Variants in NT5DC4 observed in about 807,000 individuals in gnomAD.
NT5DC4 encodes the protein 5'-nucleotidase domain-containing protein 4.
A neutral mutation model predicts 26.6 loss-of-function variants in NT5DC4; 44 were observed. The observed-to-expected ratio is 1.65, with a 90% confidence interval of 1.30 to 2.13. The LOEUF (loss-of-function observed/expected upper bound fraction) is 2.13. Ranked by LOEUF, NT5DC4 falls within the 30% of genes most tolerant of loss-of-function variation. NT5DC4 has a pLI of 0.00. For missense variants in NT5DC4, 399 were observed against 228.1 expected (o/e 1.75, Z -4.83); for synonymous variants, 157 against 86.7 (o/e 1.81, Z -4.51).
At chr2:112,734,769 A>C (rs57802598) in intron 16 of NT5DC4, among the ~76,000 whole-genome samples, 4,991 of 152,214 alleles carry the variant, frequency 0.033, 276 homozygotes, top group African/African-American at 0.11. Context: ...AGTTCACTGC[A>C]CCCTTTGTTT....
At position 112,737,678 on chromosome 2, in the gene NT5DC4, T is replaced by TAG. The variant is rs1285468667; in HGVS notation, c.1345-1233_1345-1232dup. On this transcript the variant is annotated intron_variant, in intron 16 of 16. Coordinates refer to ENST00000688554, the MANE Select transcript of NT5DC4 (RefSeq NM_001393655.1). ...TTATTATAAATCTGACTTTCAGAAA[T>TAG]AGATCTGCTTCCCTTAAAAAAATCT... 2.6e-5 allele frequency: 4 copies of TAG among 152,306 alleles called. No individual in the cohort carries two copies. In the East Asian group the frequency reaches 7.7e-4, roughly 29 times the overall value. The allele number at this position is 152,306 out of a possible 1,614,324, so 9.4% of individuals were successfully genotyped here.
rs1454304525 is a variant in NT5DC4, at chr2:112,722,180, C to T, written c.267-3C>T. 10 of 716,756 alleles carry T rather than the reference C, an allele frequency of 1.4e-5. No homozygotes were observed. The highest frequency in any genetic ancestry group is 3.5e-5 in the African/African-American group (2 of 57,208). 44.4% of individuals were successfully genotyped at this position (716,756 alleles called of 1,614,324 possible). The stretch of plus-strand genomic sequence containing the variant: ...ACAGTGCCCCCCGACCCCCCGTCTG[C>T]AGGCGGCTGGTGTTCGATGAACTCT... On this transcript the variant is annotated splice_polypyrimidine_tract_variant and splice_region_variant and intron_variant, in intron 3 of 16. Coordinates refer to ENST00000688554, the MANE Select transcript of NT5DC4 (RefSeq NM_001393655.1).
At chr2:112,742,502 C>T, downstream of NT5DC4, 1 of 718,666 alleles carries the variant, frequency 1.4e-6, no homozygotes, top group South Asian at 1.5e-5. Flanking sequence ...TGGAAACAAC[C>T]TTTGTTCAGT....
In NT5DC4 at chr2:112,737,495, A is replaced by G. The variant is rs997896000; in HGVS notation, c.1345-1418A>G. Reference sequence around the variant, plus strand: ...TTAATGATGCTGAACACCTTTTCATATCTATACCTACTGGCCATTTCTTAT... The same window carrying G: ...TTAATGATGCTGAACACCTTTTCATGTCTATACCTACTGGCCATTTCTTAT... On this transcript the variant is annotated intron_variant, in intron 16 of 16. Transcript: ENST00000688554. The G allele has an allele frequency of 2.6e-5, 4 of 152,270 alleles. No individual in the cohort carries two copies. In the East Asian group the frequency reaches 7.7e-4, roughly 29 times the overall value. 9.4% of individuals were successfully genotyped at this position (152,270 alleles called of 1,614,324 possible). A position where few individuals can be genotyped will look rare whatever the true frequency, so the allele number is the denominator to read the frequency against.
upstream of NT5DC4, among the ~76,000 whole-genome samples, chr2:112,718,894 G>C (rs995128012): frequency 6.6e-6 from 1 of 152,148 alleles, no homozygotes. Flanking sequence ...CCATCCAACT[G>C]TCTGTCCATT....
rs1404176704 is a variant in NT5DC4, at chr2:112,721,131, C to T, written c.52C>T (p.Pro18Ser). Among the ~76,000 whole-genome samples, 3 of 152,128 alleles carry T rather than the reference C, an allele frequency of 2.0e-5. No homozygotes were observed. The highest frequency in any genetic ancestry group is 2.9e-5 in the Non-Finnish European group (2 of 68,020). Residue 18 changes from proline (P) to serine (S), a missense_variant, in exon 1 of 17, where the codon CCG becomes TCG. Pro to Ser is a moderately conservative substitution (Grantham distance 74). Coordinates refer to ENST00000688554, the MANE Select transcript of NT5DC4 (RefSeq NM_001393655.1). ...GGAGGGACTGGTCTCCCCTCAAGGC[C>T]CGAAGCAGGACTGGCACCAGCGGTG... ...EPEGLVSPQG[P>S]KQDWHQRIFV...
At chr2:112,742,310 G>A, downstream of NT5DC4, 1 of 705,200 alleles carries the variant, frequency 1.4e-6, no homozygotes, top group Admixed American at 2.0e-5. Flanking sequence ...AGAGATTCCT[G>A]AGATAGCTAT....
At chr2:112,722,678 C>T (rs777484203) in intron 5 of NT5DC4, 36 bp from the exon 6 acceptor site, 18 of 717,434 alleles carry the variant, frequency 2.5e-5, no homozygotes, top group South Asian at 2.1e-4. Flanking sequence ...TGTCTGGCTC[C>T]CTGGGCTGAC....
upstream of NT5DC4, among the ~76,000 whole-genome samples, chr2:112,719,988 T>C (rs1676738780): frequency 2.5e-5 from 3 of 121,178 alleles, no homozygotes; most frequent in South Asian, 5.3e-4. Context: ...CTTTCTTTCT[T>C]TTTCTTTTCT....
At chr2:112,738,844 C>T in intron 16 of NT5DC4, 69 bp from the exon 17 acceptor site, 4 of 1,610,624 alleles carry the variant, frequency 2.5e-6, no homozygotes, top group Non-Finnish European at 3.4e-6. Flanking sequence ...GGGTTTGAAA[C>T]CCCAATGTTA....
At chr2:112,726,155 G>A in intron 13 of NT5DC4, 83 bp from the exon 14 acceptor site, 1 of 712,324 alleles carries the variant, frequency 1.4e-6, no homozygotes, top group Non-Finnish European at 2.6e-6. Flanking sequence ...GTCCTCCGCT[G>A]GGCCAGGGCA....
chr2:112,736,417 G>A (rs1456348474), intron 16 of NT5DC4, among the ~76,000 whole-genome samples: 1 of 152,058 alleles, frequency 6.6e-6, no homozygotes. Flanking sequence ...GATACATATA[G>A]ATAATAAAAT....
downstream of NT5DC4, chr2:112,741,142 T>C: frequency 1.5e-6 from 1 of 662,406 alleles, no homozygotes; most frequent in South Asian, 1.9e-5. Flanking sequence ...GAATAGTGAT[T>C]GATTTGAAGT....
chr2:112,741,940 GTTTTTTTTTTTTTT>G (rs57634251), downstream of NT5DC4, among the ~76,000 whole-genome samples: 4 of 71,902 alleles, frequency 5.6e-5, no homozygotes, highest in South Asian at 5.7e-4. Flanking sequence ...TTTCTTTTCT[GTTTTTTTTTTTTTT>G]TTTTTTTTTT....
chr2:112,739,081 T>C lies in NT5DC4; in HGVS notation c.*145T>C, dbSNP rs374466459. On this transcript the variant is annotated 3_prime_UTR_variant, in exon 17 of 17. Transcript: ENST00000688554. Reference sequence around the variant, plus strand: ...ACAGCAAGAGATGCATTAAAAACCTTATCATTTAAAAAAATTATCTTTATT... The same window carrying C: ...ACAGCAAGAGATGCATTAAAAACCTCATCATTTAAAAAAATTATCTTTATT... 6.7e-7 allele frequency: 1 copy of C among 1,483,900 alleles called. No individual in the cohort carries two copies. The highest frequency in any genetic ancestry group is 1.4e-5 in the African/African-American group (1 of 71,264). The allele number at this position is 1,483,900 out of a possible 1,614,324, so 91.9% of individuals were successfully genotyped here.
chr2:112,724,345 A>T (rs1677390569), intron 10 of NT5DC4: 2 of 604,580 alleles, frequency 3.3e-6, no homozygotes, highest in African/African-American at 3.7e-5. Flanking sequence ...GGGTGATAGG[A>T]GGCAGTCAGG....
upstream of NT5DC4, among the ~76,000 whole-genome samples, chr2:112,719,897 T>C (rs868574387): frequency 1.4e-4 from 14 of 102,706 alleles, no homozygotes; most frequent in African/African-American, 4.4e-4. Context: ...TTCCTTTCTT[T>C]CTTTCTTTTT....
chr2:112,722,155 A>T (rs1676958207), intron 3 of NT5DC4, 28 bp from the exon 4 acceptor site: 1 of 623,934 alleles, frequency 1.6e-6, no homozygotes, highest in Non-Finnish European at 2.9e-6. Flanking sequence ...ACCCCCACCC[A>T]CAGTGCCCCC....
At chr2:112,741,940 GTTTTTTTTTTTT>G (rs57634251), downstream of NT5DC4, among the ~76,000 whole-genome samples, 53 of 71,910 alleles carry the variant, frequency 7.4e-4, no homozygotes, top group South Asian at 1.7e-3. Flanking sequence ...TTTCTTTTCT[GTTTTTTTTTTTT>G]TTTTTTTTTT....
Sources: gnomAD v4.1 joint callset for allele counts (sites outside exome capture counted in the v4.1 genomes callset) on GRCh38, gnomAD v4.1.1 for gene constraint, MANE v1.5 for transcripts, NCBI Gene and HGNC (gene_info 2026-07-23, HGNC 2026-07-21) for gene names.